Variants in CSMD1 observed in about 807,000 individuals in gnomAD.
CSMD1 encodes the protein CUB and sushi domain-containing protein 1.
In CSMD1, 213 loss-of-function variants were observed where a neutral mutation model predicts 417.5. The ratio of observed to expected loss-of-function variants is 0.51; its 90% CI spans 0.46 to 0.57. The LOEUF is 0.57. Ranked by LOEUF, CSMD1 falls within the 20% of genes least tolerant of loss-of-function variation. CSMD1 has a pLI of 0.00. For missense variants in CSMD1, 6,923 were observed against 4,529.7 expected, an observed-to-expected ratio of 1.53 and a Z score of -15.17; for synonymous variants, 2,862 against 1,736.8, an observed-to-expected ratio of 1.65 and a Z score of -16.11.
rs189078391 is a variant in CSMD1 at position 3,065,128 on chromosome 8, C to T, written c.7475-12481G>A. 2.1e-3 allele frequency among the ~76,000 whole-genome samples: 319 copies of T among 152,028 alleles called. 1 individual carries two copies. The highest frequency in any genetic ancestry group is 6.8e-3 in the Middle Eastern group (2 of 292). ...CTAAAGAAGAAATAAACCTGGAAAT[C>T]CTCATTTCATAAATAAGCAAATAAT... On this transcript the variant is annotated intron_variant, in intron 49 of 69. Transcript: ENST00000635120.
At chr8:3,514,920 C>A (rs559662945) in intron 10 of CSMD1, among the ~76,000 whole-genome samples, 41 of 152,124 alleles carry the variant, frequency 2.7e-4, no homozygotes, top group African/African-American at 9.9e-4. Context: ...ATGCTAAAGG[C>A]TGCCCAAGCA....
chr8:4,738,505 T>A (rs1810389408), intron 1 of CSMD1, among the ~76,000 whole-genome samples: 1 of 151,998 alleles, frequency 6.6e-6, no homozygotes, highest in South Asian at 2.1e-4. Context: ...GAAAATCACC[T>A]CCATGATTCA....
intron 5 of CSMD1, among the ~76,000 whole-genome samples, chr8:3,908,790 G>C (rs577237677): frequency 2.0e-5 from 3 of 152,270 alleles, no homozygotes; most frequent in Admixed American, 2.0e-4. Flanking sequence ...GGCAATTCTG[G>C]ATTCTTAGCT....
chr8:4,428,148 A>G (rs938251847), intron 2 of CSMD1, among the ~76,000 whole-genome samples: 1 of 152,174 alleles, frequency 6.6e-6, no homozygotes, highest in African/African-American at 2.4e-5. Context: ...AGCACCCACC[A>G]CATCTATGTG....
At chr8:4,279,389 G>A (rs1044548764) in intron 3 of CSMD1, among the ~76,000 whole-genome samples, 2 of 152,142 alleles carry the variant, frequency 1.3e-5, no homozygotes, top group Non-Finnish European at 2.9e-5. Context: ...GTATCTTCCT[G>A]GATTCTGAAT....
At chr8:4,405,499 A>C (rs76020747) in intron 3 of CSMD1, among the ~76,000 whole-genome samples, 4,746 of 152,290 alleles carry the variant, frequency 0.031, 113 homozygotes, top group African/African-American at 0.064. Flanking sequence ...GTCAATGTGC[A>C]ACACCCAGCA....
intron 1 of CSMD1, among the ~76,000 whole-genome samples, chr8:4,730,249 A>T (rs1168080122): frequency 6.6e-6 from 1 of 152,094 alleles, no homozygotes; most frequent in East Asian, 1.9e-4. Context: ...ATATATATAT[A>T]TACTTTTTTA....
intron 7 of CSMD1, among the ~76,000 whole-genome samples, chr8:3,656,737 C>A (rs188706325): frequency 2.6e-5 from 4 of 152,184 alleles, no homozygotes; most frequent in Admixed American, 2.6e-4. Context: ...ACCAGCCTGG[C>A]TAACATGGCG....
chr8:4,831,132 A>T (rs181531471), intron 1 of CSMD1, among the ~76,000 whole-genome samples: 3 of 152,282 alleles, frequency 2.0e-5, no homozygotes, highest in South Asian at 2.1e-4. Flanking sequence ...AAACTGTAAA[A>T]CTTCGTTAAA....
chr8:4,289,503 T>G (rs1797243112), intron 3 of CSMD1, among the ~76,000 whole-genome samples: 3 of 152,170 alleles, frequency 2.0e-5, no homozygotes, highest in Admixed American at 1.3e-4. Context: ...CTGAGTTCTG[T>G]CCACTGTCAG....
intron 3 of CSMD1, among the ~76,000 whole-genome samples, chr8:4,367,260 C>A (rs747355382): frequency 3.9e-5 from 6 of 151,982 alleles, no homozygotes; most frequent in African/African-American, 7.2e-5. Flanking sequence ...TAAGTCCAGC[C>A]GGGCCAGACT....
At chr8:3,918,127 G>C (rs1007363395) in intron 5 of CSMD1, among the ~76,000 whole-genome samples, 12 of 151,832 alleles carry the variant, frequency 7.9e-5, no homozygotes, top group African/African-American at 2.7e-4. Context: ...CCTAATCCTG[G>C]CAATTGCTAA....
At chr8:3,472,471 C>G (rs74433753) in intron 11 of CSMD1, among the ~76,000 whole-genome samples, 1 of 152,044 alleles carries the variant, frequency 6.6e-6, no homozygotes, top group East Asian at 1.9e-4. Flanking sequence ...AAGTCTACTA[C>G]CAATCTGTCC....
intron 1 of CSMD1, among the ~76,000 whole-genome samples, chr8:4,735,152 T>C (rs1170443277): frequency 6.6e-6 from 1 of 152,202 alleles, no homozygotes; most frequent in African/African-American, 2.4e-5. Flanking sequence ...TTTATACATA[T>C]GAGGTAATGC....
chr8:3,667,566 T>A (rs556402476), intron 7 of CSMD1, among the ~76,000 whole-genome samples: 5 of 152,086 alleles, frequency 3.3e-5, no homozygotes, highest in Admixed American at 2.0e-4. Context: ...GCTGAGAAAG[T>A]CCTTGGAGAC....
chr8:4,539,752 T>C (rs866606366), intron 2 of CSMD1, among the ~76,000 whole-genome samples: 2 of 152,226 alleles, frequency 1.3e-5, no homozygotes, highest in East Asian at 3.9e-4. Flanking sequence ...TGTTTTATCT[T>C]TAGTCACTTA....
intron 5 of CSMD1, among the ~76,000 whole-genome samples, chr8:3,771,638 G>A (rs1472434428): frequency 6.6e-6 from 1 of 152,128 alleles, no homozygotes; most frequent in Non-Finnish European, 1.5e-5. Flanking sequence ...AGAAGCCAGT[G>A]CTGAATCACC....
At chr8:4,891,333 C>G (rs1363275299) in intron 1 of CSMD1, among the ~76,000 whole-genome samples, 1 of 152,132 alleles carries the variant, frequency 6.6e-6, no homozygotes. Flanking sequence ...ACTTGAAAGA[C>G]TGAAGTTTAT....
chr8:3,473,128 C>T (rs1257518947), intron 11 of CSMD1, among the ~76,000 whole-genome samples: 3 of 152,168 alleles, frequency 2.0e-5, no homozygotes, highest in African/African-American at 7.2e-5. Flanking sequence ...ACTGTCTATT[C>T]AACTACTTTA....
Sources: gnomAD v4.1 joint callset for allele counts (sites outside exome capture counted in the v4.1 genomes callset) on GRCh38, gnomAD v4.1.1 for gene constraint, MANE v1.5 for transcripts, NCBI Gene and HGNC (gene_info 2026-07-23, HGNC 2026-07-21) for gene names.